HMGXB4: variants seen among roughly 807,000 people sequenced by gnomAD.
HMGXB4 encodes the protein HMG domain-containing protein 4.
HMGXB4 carries 27 observed loss-of-function variants against 63.9 expected under a neutral mutation model. The observed-to-expected ratio is 0.42, with a 90% CI of 0.31 to 0.58. The LOEUF (loss-of-function observed/expected upper bound fraction) is 0.58, where lower values mean the gene tolerates loss of function less well. HMGXB4 is among the 20% of genes least tolerant of loss of function. The probability of loss-of-function intolerance (pLI) is 0.13; values close to 1 mark genes in which losing one functional copy is unlikely to be tolerated. For synonymous variants in HMGXB4, 264 were observed against 265.3 expected (o/e 0.99, Z 0.05); for missense variants, 624 against 700.7 (o/e 0.89, Z 1.24).
At chr22:35,245,177 TG>T in the HMGXB4 span, among the ~76,000 whole-genome samples, 7 of 152,076 alleles carry the variant, frequency 4.6e-5, no homozygotes, top group African/African-American at 1.4e-4. Flanking sequence ...CGGCCCATAT[TG>T]GTTATTTTCT....
rs538821671 is a variant in HMGXB4, at chr22:35,265,073, C to G, written c.685C>G (p.Arg229Gly). The G allele has an allele frequency of 3.1e-6, 5 of 1,613,980 alleles. No individual in the cohort carries two copies. The highest frequency in any genetic ancestry group is 2.7e-5 in the African/African-American group (2 of 74,906). Residue 229 changes from arginine to glycine, a missense_variant, in exon 5 of 11, where the codon CGG becomes GGG. Coordinates refer to ENST00000216106, the MANE Select transcript of HMGXB4 (RefSeq NM_001003681.3). ...GAAAAAATCCTCAAAGAAATCAGCT[C>G]GGGATGAGCAGGGTGCTTTACTCCT... ...TVKKSSKKSARDEQGALLLGH... is the reference protein window; with the variant it reads ...TVKKSSKKSAGDEQGALLLGH...
chr22:35,263,268 C>CT, intron 3 of HMGXB4, 42 bp downstream of exon 3: 2 of 1,397,378 alleles, frequency 1.4e-6, no homozygotes, highest in African/African-American at 1.5e-5. Flanking sequence ...TTAAACTACT[C>CT]ATTTTTTTTT....
intron 5 of HMGXB4, among the ~76,000 whole-genome samples, chr22:35,270,156 G>T (rs958949532): frequency 1.3e-5 from 2 of 152,204 alleles, no homozygotes; most frequent in African/African-American, 4.8e-5. Context: ...AGCAGGAGTT[G>T]AGTGGCGGGC....
upstream of HMGXB4, among the ~76,000 whole-genome samples, chr22:35,253,870 T>A (rs964497515): frequency 2.0e-5 from 3 of 152,204 alleles, no homozygotes; most frequent in African/African-American, 7.2e-5. Context: ...TATTTTCTAC[T>A]GGTCTCTTTA....
At chr22:35,257,695 CA>C (rs1246230430) in intron 1 of HMGXB4, 138 bp downstream of exon 1, 1 of 152,480 alleles carries the variant, frequency 6.6e-6, no homozygotes. Context: ...CGGCCTAGCC[CA>C]GGGGCCGAGC....
the HMGXB4 span, among the ~76,000 whole-genome samples, chr22:35,250,476 A>C: frequency 6.6e-6 from 1 of 152,154 alleles, no homozygotes; most frequent in East Asian, 1.9e-4. Context: ...ATCTAGAGAG[A>C]GAACTCACCC....
intron 5 of HMGXB4, among the ~76,000 whole-genome samples, chr22:35,279,776 T>G (rs537474577): frequency 1.3e-5 from 2 of 151,232 alleles, no homozygotes; most frequent in East Asian, 3.9e-4. Context: ...TCCTTGCTCC[T>G]TTGTCAAAGA....
the HMGXB4 span, among the ~76,000 whole-genome samples, chr22:35,244,631 GGT>G: frequency 6.6e-6 from 1 of 152,034 alleles, no homozygotes; most frequent in African/African-American, 2.4e-5. Context: ...CTTATTTAAA[GGT>G]GTTTTTACCT....
At chr22:35,250,423 A>T in the HMGXB4 span, among the ~76,000 whole-genome samples, 1 of 152,124 alleles carries the variant, frequency 6.6e-6, no homozygotes, top group Non-Finnish European at 1.5e-5. Context: ...AAACAAGCAG[A>T]TCTTACATGA....
At chr22:35,268,041 G>A (rs769536317) in intron 5 of HMGXB4, among the ~76,000 whole-genome samples, 7 of 152,180 alleles carry the variant, frequency 4.6e-5, no homozygotes, top group Non-Finnish European at 1.0e-4. Flanking sequence ...CCAAGATCAC[G>A]CCACTGCAGT....
intron 5 of HMGXB4, among the ~76,000 whole-genome samples, chr22:35,279,328 A>C (rs1195784026): frequency 6.6e-6 from 1 of 151,690 alleles, no homozygotes; most frequent in Non-Finnish European, 1.5e-5. Context: ...TTGTATTTTT[A>C]GTAGAGACAG....
chr22:35,291,667 C>G (rs1036360018), intron 9 of HMGXB4, among the ~76,000 whole-genome samples: 3 of 152,192 alleles, frequency 2.0e-5, no homozygotes, highest in Non-Finnish European at 2.9e-5. Context: ...TGAAGGCTCA[C>G]TCACCCAGCT....
intron 1 of HMGXB4, 171 bp from the exon 2 acceptor site, chr22:35,262,152 T>G: frequency 1.9e-6 from 1 of 529,136 alleles, no homozygotes; most frequent in Non-Finnish European, 3.4e-6. Flanking sequence ...GTATACTTCC[T>G]GCAGTATCAA....
At chr22:35,248,480 C>T in the HMGXB4 span, among the ~76,000 whole-genome samples, 5 of 149,576 alleles carry the variant, frequency 3.3e-5, no homozygotes, top group African/African-American at 1.2e-4. Context: ...AATCACAGCT[C>T]ACCGTAGTCT....
At position 35,263,257 on chromosome 22, in the gene HMGXB4, C is replaced by A. The variant is rs753561585; in HGVS notation, c.180+31C>A. The A allele has an allele frequency of 2.6e-6, 4 of 1,518,318 alleles. No individual in the cohort carries two copies. The East Asian group carries it at 6.9e-5, about 26-fold the overall frequency. The allele number at this position is 1,518,318 out of a possible 1,614,324, so 94.1% of individuals were successfully genotyped here. A position where few individuals can be genotyped will look rare whatever the true frequency, so the allele number is the denominator to read the frequency against. ...TCCTGAAAATTTAAATTAGGAAAGT[C>A]TTAAACTACTCATTTTTTTTTGGTG... is the stretch of plus-strand genomic sequence containing the variant. On this transcript the variant is annotated intron_variant, in intron 3 of 10. Coordinates refer to ENST00000216106, the MANE Select transcript of HMGXB4 (RefSeq NM_001003681.3).
intron 5 of HMGXB4, among the ~76,000 whole-genome samples, chr22:35,267,526 A>G (rs1260818202): frequency 2.0e-5 from 3 of 152,170 alleles, no homozygotes; most frequent in African/African-American, 7.2e-5. Context: ...TAAAATAACT[A>G]TAACTGAACT....
At chr22:35,270,871 G>A (rs977062463) in intron 5 of HMGXB4, among the ~76,000 whole-genome samples, 6 of 152,164 alleles carry the variant, frequency 3.9e-5, no homozygotes, top group African/African-American at 1.4e-4. Context: ...TGTATATACT[G>A]TGGTTTTTAA....
the HMGXB4 span, among the ~76,000 whole-genome samples, chr22:35,243,734 G>A: frequency 6.6e-6 from 1 of 152,112 alleles, no homozygotes; most frequent in African/African-American, 2.4e-5. Context: ...AGTAGAGACA[G>A]GGTTTCACCA....
upstream of HMGXB4, among the ~76,000 whole-genome samples, chr22:35,253,057 G>C (rs1193275179): frequency 6.6e-6 from 1 of 151,196 alleles, no homozygotes. Flanking sequence ...GCTTGAATCC[G>C]GGAGGCGGAG....
Sources: allele counts gnomAD v4.1 joint callset (sites outside exome capture counted in the v4.1 genomes callset), GRCh38; gene constraint gnomAD v4.1.1; transcripts MANE v1.5; gene names NCBI Gene and HGNC (gene_info 2026-07-23, HGNC 2026-07-21).